Variants in ULBP2 observed in about 807,000 individuals in gnomAD.
ULBP2 encodes the protein UL16 binding protein 2.
ULBP2 carries 21 observed loss-of-function variants against 23.6 expected under a neutral mutation model. That is an observed-to-expected ratio of 0.89 (90% CI 0.63 to 1.28). ULBP2 has a LOEUF of 1.28. Among genes scored for constraint, ULBP2 ranks in the 50% most tolerant of loss-of-function variants. ULBP2 has a pLI of 0.00. For synonymous variants in ULBP2, 82 were observed against 112.8 expected (o/e 0.73, Z 1.73); for missense variants, 251 against 306.0 (o/e 0.82, Z 1.34).
chr6:149,942,941 C>G (rs1778885445), intron 1 of ULBP2, among the ~76,000 whole-genome samples: 1 of 152,180 alleles, frequency 6.6e-6, no homozygotes, highest in Admixed American at 6.5e-5. Context: ...CCTGGGAACT[C>G]TGGTGAGTAG....
chr6:149,948,374 T>A (rs11963393), intron 4 of ULBP2, among the ~76,000 whole-genome samples: 2 of 152,174 alleles, frequency 1.3e-5, no homozygotes, highest in Non-Finnish European at 2.9e-5. Flanking sequence ...CACAGGAATA[T>A]GGAGCCCTCT....
At position 149,948,596 on chromosome 6, in the gene ULBP2, G is replaced by T. The variant is rs921609016; in HGVS notation, c.*23-127G>T. The T allele has an allele frequency of 1.8e-5, 8 of 446,752 alleles. No homozygotes were observed. In the Admixed American group the frequency reaches 1.9e-4, roughly 11 times the overall value. The allele number at this position is 446,752 out of a possible 1,614,324, so 27.7% of individuals were successfully genotyped here. On this transcript the variant is annotated intron_variant, in intron 4 of 4. Coordinates refer to ENST00000367351, the MANE Select transcript of ULBP2 (RefSeq NM_025217.4). ...CCAAGCTGCAGTCGCCAGGGTTGAG[G>T]CTCAAGGGAAAAATAGGTCCCTTAG...
At chr6:149,942,399 C>G (rs935516536) in intron 1 of ULBP2, among the ~76,000 whole-genome samples, 9 of 151,988 alleles carry the variant, frequency 5.9e-5, no homozygotes, top group Non-Finnish European at 1.0e-4. Context: ...GTGGAGGGGC[C>G]GGAGGGCTGC....
In ULBP2 at chr6:149,947,014, C is replaced by A. The variant is rs1778953423; in HGVS notation, c.632-306C>A. Among the ~76,000 whole-genome samples the A allele has an allele frequency of 1.3e-5, 2 of 151,794 alleles. 1 individual carries two copies. Among genetic ancestry groups the A allele is most frequent in the African/African-American group, 4.9e-5 (2 of 41,066 alleles). ...TGGTTCTGGAAATCCATCAAAACCACTTCCAACGCCAGCCCAGAGATCCTC... is the reference window on the plus strand; with the variant it reads ...TGGTTCTGGAAATCCATCAAAACCAATTCCAACGCCAGCCCAGAGATCCTC... On this transcript the variant is annotated intron_variant, in intron 3 of 4. Coordinates refer to ENST00000367351, the MANE Select transcript of ULBP2 (RefSeq NM_025217.4).
chr6:149,942,034 T>G lies in ULBP2; in HGVS notation c.-39T>G. On this transcript the variant is annotated 5_prime_UTR_variant, in exon 1 of 5. Coordinates refer to ENST00000367351, the MANE Select transcript of ULBP2 (RefSeq NM_025217.4). ...AGGTGATTCATCTTCCAGGCTCTCCTTCCATCAAGTCTCTCATCCCTAGCG... is the reference window on the plus strand; with the variant it reads ...AGGTGATTCATCTTCCAGGCTCTCCGTCCATCAAGTCTCTCATCCCTAGCG... 6.3e-7 allele frequency: 1 copy of G among 1,598,880 alleles called. No homozygotes were observed. Among genetic ancestry groups the G allele is most frequent in the East Asian group, 2.2e-5 (1 of 44,616 alleles).
At position 149,947,338 on chromosome 6, in the gene ULBP2, C is replaced by T. The variant is rs145177180; in HGVS notation, c.650C>T (p.Ser217Leu). Reference protein sequence around the residue: ...PSAGAPLAMSSGTTQLRATAT... With the variant: ...PSAGAPLAMSLGTTQLRATAT... Reference sequence around the variant, plus strand: ...ATTTCAGCACCACTCGCCATGTCCTCAGGCACAACCCAACTCAGGGCCACA... The same window carrying T: ...ATTTCAGCACCACTCGCCATGTCCTTAGGCACAACCCAACTCAGGGCCACA... The change falls in exon 4 of 5, where the codon TCA becomes TTA. Residue 217 changes from serine to leucine, a missense_variant. Transcript: ENST00000367351. 4,732 of 1,542,870 alleles carry T rather than the reference C, an allele frequency of 3.1e-3. 144 individuals carry two copies. In the African/African-American group the frequency reaches 0.059, roughly 19 times the overall value.
chr6:149,948,426 A>G, intron 4 of ULBP2, among the ~76,000 whole-genome samples: 1 of 152,104 alleles, frequency 6.6e-6, no homozygotes, highest in East Asian at 1.9e-4. Flanking sequence ...TTAGGCCTTC[A>G]CATCAGATCA....
chr6:149,948,280 T>C (rs1778973737), intron 4 of ULBP2, among the ~76,000 whole-genome samples: 1 of 151,924 alleles, frequency 6.6e-6, no homozygotes, highest in African/African-American at 2.4e-5. Flanking sequence ...TTCAGAGCAA[T>C]GGGTGCTGCT....
At chr6:149,947,233 G>A (rs1323815661) in intron 3 of ULBP2, 87 bp from the exon 4 acceptor site, 3 of 1,575,762 alleles carry the variant, frequency 1.9e-6, no homozygotes, top group Non-Finnish European at 2.6e-6. Flanking sequence ...TGCCTTCCAG[G>A]ATGACCTAGG....
At chr6:149,945,593 G>T (rs376369662) in intron 2 of ULBP2, 21 bp downstream of exon 2, 48 of 1,613,854 alleles carry the variant, frequency 3.0e-5, no homozygotes, top group African/African-American at 4.0e-5. Context: ...GATGGCCCAG[G>T]ACAGCAGGGA....
intron 1 of ULBP2, among the ~76,000 whole-genome samples, chr6:149,942,738 G>A (rs960571870): frequency 1.8e-4 from 27 of 152,030 alleles, no homozygotes; most frequent in African/African-American, 6.3e-4. Flanking sequence ...CCCAGGTCAC[G>A]TCCTCTTACT....
chr6:149,948,798 C>T lies in ULBP2; in HGVS notation c.*98C>T, dbSNP rs1554268382. 1.5e-5 allele frequency: 7 copies of T among 456,576 alleles called. No individual in the cohort carries two copies. The highest frequency in any genetic ancestry group is 4.7e-5 in the Admixed American group (2 of 42,566). 28.3% of individuals were successfully genotyped at this position (456,576 alleles called of 1,614,324 possible). A position where few individuals can be genotyped will look rare whatever the true frequency, so the allele number is the denominator to read the frequency against. On this transcript the variant is annotated 3_prime_UTR_variant, in exon 5 of 5. Coordinates refer to ENST00000367351, the MANE Select transcript of ULBP2 (RefSeq NM_025217.4). ...GCCCTTCTGTCTGGCCAGCTGCCCA[C>T]GACCTACGGTGTATGTCCAGTGGCC...
chr6:149,943,428 T>C (rs1313395845), intron 1 of ULBP2, among the ~76,000 whole-genome samples: 6 of 152,130 alleles, frequency 3.9e-5, no homozygotes, highest in Non-Finnish European at 8.8e-5. Flanking sequence ...TCAGGTACCC[T>C]CCCTGAAGCC....
At chr6:149,944,709 T>C (rs1778909201) in intron 1 of ULBP2, among the ~76,000 whole-genome samples, 1 of 132,576 alleles carries the variant, frequency 7.5e-6, no homozygotes, top group South Asian at 2.5e-4. Context: ...CTCCCTCCAC[T>C]ACCTGCCTTA....
chr6:149,942,731 A>G (rs1321288151), intron 1 of ULBP2, among the ~76,000 whole-genome samples: 10 of 151,990 alleles, frequency 6.6e-5, no homozygotes, highest in Admixed American at 2.0e-4. Context: ...GCCACCACCC[A>G]GGTCACGTCC....
intron 1 of ULBP2, among the ~76,000 whole-genome samples, chr6:149,943,161 T>G (rs962131166): frequency 6.6e-6 from 1 of 152,114 alleles, no homozygotes; most frequent in African/African-American, 2.4e-5. Context: ...AATGGCAACC[T>G]TCAAATAGGG....
intron 4 of ULBP2, among the ~76,000 whole-genome samples, chr6:149,947,678 G>A (rs1158626759): frequency 6.6e-6 from 1 of 152,160 alleles, no homozygotes; most frequent in South Asian, 2.1e-4. Flanking sequence ...CAGAGGGAAA[G>A]GGAGGGGCCC....
chr6:149,943,814 A>G (rs1331856910), intron 1 of ULBP2, among the ~76,000 whole-genome samples: 4 of 152,036 alleles, frequency 2.6e-5, no homozygotes, highest in South Asian at 2.1e-4. Context: ...GAATATTCAC[A>G]TGGAATCTCT....
chr6:149,948,729 G>A lies in ULBP2; in HGVS notation c.*29G>A, dbSNP rs1227317660. 6.6e-6 allele frequency: 3 copies of A among 456,744 alleles called. No individual in the cohort carries two copies. The highest frequency in any genetic ancestry group is 4.6e-5 in the South Asian group (3 of 64,568). The allele number at this position is 456,744 out of a possible 1,614,324, so 28.3% of individuals were successfully genotyped here. A position where few individuals can be genotyped will look rare whatever the true frequency, so the allele number is the denominator to read the frequency against. On this transcript the variant is annotated 3_prime_UTR_variant, in exon 5 of 5. Coordinates refer to ENST00000367351, the MANE Select transcript of ULBP2 (RefSeq NM_025217.4). ...ATTTGTGTCCTTTCTGAAGGTTAAA[G>A]CTGATACCAAAAGGCTCCTGTGAGC...
Sources: allele counts gnomAD v4.1 joint callset (sites outside exome capture counted in the v4.1 genomes callset), GRCh38; gene constraint gnomAD v4.1.1; transcripts MANE v1.5; gene names NCBI Gene and HGNC (gene_info 2026-07-23, HGNC 2026-07-21).